The following MSRA variants were observed in gnomAD, a reference collection of about 807,000 sequenced individuals.
MSRA encodes the protein methionine sulfoxide reductase A, also known as mitochondrial peptide methionine sulfoxide reductase.
In MSRA, 54 loss-of-function variants were observed where a neutral mutation model predicts 31.3. The ratio of observed to expected loss-of-function variants is 1.73; its 90% CI spans 1.39 to 2.17. MSRA has a LOEUF of 2.17. Among genes scored for constraint, MSRA ranks in the 30% most tolerant of loss-of-function variants. MSRA has a pLI of 0.00. For missense variants in MSRA, 507 were observed against 300.9 expected, an observed-to-expected ratio of 1.69 and a Z score of -5.07; for synonymous variants, 169 against 116.5, an observed-to-expected ratio of 1.45 and a Z score of -2.90.
chr8:10,085,345 C>T (rs1563416130), intron 1 of MSRA, among the ~76,000 whole-genome samples: 1 of 152,204 alleles, frequency 6.6e-6, no homozygotes, highest in Admixed American at 6.5e-5. Context: ...GTGCCTGGCT[C>T]CAGGCCTCTC....
intron 1 of MSRA, among the ~76,000 whole-genome samples, chr8:10,162,292 G>A (rs938076615): frequency 6.6e-6 from 1 of 152,128 alleles, no homozygotes; most frequent in Non-Finnish European, 1.5e-5. Context: ...GAATGGGATT[G>A]GTGGCCTTAT....
intron 3 of MSRA, among the ~76,000 whole-genome samples, chr8:10,289,895 A>G (rs1337211051): frequency 3.3e-5 from 5 of 152,218 alleles, no homozygotes; most frequent in South Asian, 4.1e-4. Flanking sequence ...CTGCGATGCC[A>G]TGGTTGATCA....
At chr8:10,266,907 C>A (rs982534184) in intron 3 of MSRA, among the ~76,000 whole-genome samples, 1 of 152,136 alleles carries the variant, frequency 6.6e-6, no homozygotes, top group Non-Finnish European at 1.5e-5. Flanking sequence ...GTACATCACT[C>A]AATAAACCCC....
chr8:10,301,782 G>A, intron 4 of MSRA, 144 bp downstream of exon 4: 1 of 707,686 alleles, frequency 1.4e-6, no homozygotes, highest in Non-Finnish European at 2.3e-6. Flanking sequence ...ACGGAGGAGA[G>A]GAGGGGCTGG....
chr8:10,333,625 A>T (rs1802837532), intron 5 of MSRA, among the ~76,000 whole-genome samples: 1 of 152,158 alleles, frequency 6.6e-6, no homozygotes, highest in Non-Finnish European at 1.5e-5. Context: ...TAAGGATGAT[A>T]TGGTGTATAT....
Position 10,207,874 on chromosome 8 carries a change from C to T in MSRA, c.184C>T (p.Pro62Ser). 6.2e-7 allele frequency: 1 copy of T among 1,612,362 alleles called. No homozygotes were observed. Among genetic ancestry groups the T allele is most frequent in the Non-Finnish European group, 8.5e-7 (1 of 1,179,208 alleles). The change falls in exon 2 of 6, where the codon CCA becomes TCA. Residue 62 changes from proline to serine, a missense_variant. Coordinates refer to ENST00000317173, the MANE Select transcript of MSRA (RefSeq NM_012331.5). ...VNGNRTVEPF[P>S]EGTQMAVFGM... ...TGGCAACAGAACAGTCGAACCTTTC[C>T]CAGAGGGAACACAGATGGCTGTATT... is the stretch of plus-strand genomic sequence containing the variant.
chr8:10,316,252 A>T lies in MSRA; in HGVS notation c.437-3631A>T, dbSNP rs541987336. Among the ~76,000 whole-genome samples, 665 of 150,840 alleles carry T rather than the reference A, an allele frequency of 4.4e-3. 1 individual carries two copies. Among genetic ancestry groups the T allele is most frequent in the African/African-American group, 0.014 (576 of 41,074 alleles). ...CCTTTTTTTTTTTTACTTAAATTAT[A>T]TATATTTACAAATCGGAATAATAGT... is the stretch of plus-strand genomic sequence containing the variant. On this transcript the variant is annotated intron_variant, in intron 4 of 5. Coordinates refer to ENST00000317173, the MANE Select transcript of MSRA (RefSeq NM_012331.5).
chr8:10,265,221 C>T (rs564021521), intron 3 of MSRA, among the ~76,000 whole-genome samples: 1 of 152,178 alleles, frequency 6.6e-6, no homozygotes, highest in South Asian at 2.1e-4. Flanking sequence ...AGGGCTGGGT[C>T]ATATACCACG....
intron 5 of MSRA, among the ~76,000 whole-genome samples, chr8:10,350,489 C>G (rs1341461623): frequency 2.0e-5 from 3 of 152,228 alleles, no homozygotes; most frequent in Admixed American, 2.0e-4. Flanking sequence ...CCTTCCTACT[C>G]TGACATCCAG....
chr8:10,079,014 C>G (rs1015092416), intron 1 of MSRA, among the ~76,000 whole-genome samples: 1 of 152,186 alleles, frequency 6.6e-6, no homozygotes, highest in African/African-American at 2.4e-5. Context: ...CGTGTTGTTC[C>G]AGTATTCACC....
chr8:10,333,027 G>C (rs1313327653), intron 5 of MSRA, among the ~76,000 whole-genome samples: 1 of 152,212 alleles, frequency 6.6e-6, no homozygotes, highest in Non-Finnish European at 1.5e-5. Flanking sequence ...AACAGCCTAA[G>C]ATTCTACCTA....
intron 5 of MSRA, among the ~76,000 whole-genome samples, chr8:10,379,681 G>C (rs1342737388): frequency 6.6e-6 from 1 of 152,152 alleles, no homozygotes; most frequent in African/African-American, 2.4e-5. Context: ...TAATGGTTCT[G>C]GGGCCACGTA....
chr8:10,374,703 T>G (rs531620898), intron 5 of MSRA, among the ~76,000 whole-genome samples: 1 of 152,322 alleles, frequency 6.6e-6, no homozygotes, highest in South Asian at 2.1e-4. Flanking sequence ...AAATCTCTTG[T>G]GCATTTGAAC....
intron 5 of MSRA, among the ~76,000 whole-genome samples, chr8:10,354,801 T>C (rs898024095): frequency 1.3e-5 from 2 of 150,022 alleles, no homozygotes; most frequent in Non-Finnish European, 1.5e-5. Flanking sequence ...TAAAATGTTA[T>C]TTTATTGTTA....
intron 1 of MSRA, among the ~76,000 whole-genome samples, chr8:10,114,075 T>C (rs1800496762): frequency 6.6e-6 from 1 of 152,256 alleles, no homozygotes; most frequent in Non-Finnish European, 1.5e-5. Flanking sequence ...GTGCTGGTCA[T>C]TGGCATCTGG....
chr8:10,196,710 C>T (rs539071802), intron 1 of MSRA, among the ~76,000 whole-genome samples: 6 of 151,860 alleles, frequency 4.0e-5, no homozygotes, highest in African/African-American at 7.2e-5. Flanking sequence ...CCACCATGCC[C>T]GGCTAATTTT....
intron 1 of MSRA, chr8:10,095,497 C>T (rs1799091031): frequency 1.0e-6 from 1 of 985,332 alleles, no homozygotes; most frequent in African/African-American, 1.7e-5. Flanking sequence ...GACAGACTGG[C>T]ACAGCCTGGA....
intron 1 of MSRA, among the ~76,000 whole-genome samples, chr8:10,086,811 G>A (rs751168055): frequency 3.1e-4 from 47 of 151,850 alleles, no homozygotes; most frequent in Non-Finnish European, 6.2e-4. Context: ...GGAAGGAGGG[G>A]AGGGAAAGGA....
chr8:10,306,972 C>G (rs1472372499), intron 4 of MSRA, among the ~76,000 whole-genome samples: 1 of 152,116 alleles, frequency 6.6e-6, no homozygotes, highest in Non-Finnish European at 1.5e-5. Context: ...TAAATCTGAC[C>G]ATAACCCTGT....
Sources: allele counts gnomAD v4.1 joint callset (sites outside exome capture counted in the v4.1 genomes callset), GRCh38; gene constraint gnomAD v4.1.1; transcripts MANE v1.5; gene names NCBI Gene and HGNC (gene_info 2026-07-23, HGNC 2026-07-21).